The following CSNK2A2IP variants were observed in gnomAD, a reference collection of about 807,000 sequenced individuals.
The protein encoded by CSNK2A2IP is casein kinase II subunit alpha'-interacting protein.
the CSNK2A2IP span, among the ~76,000 whole-genome samples, chr3:88,378,130 A>T: frequency 4.6e-5 from 7 of 152,086 alleles, no homozygotes; most frequent in Non-Finnish European, 8.8e-5. Flanking sequence ...TTGTTTTGTC[A>T]TTCAGATTTA....
At chr3:88,405,292 A>T in the CSNK2A2IP span, among the ~76,000 whole-genome samples, 1 of 152,058 alleles carries the variant, frequency 6.6e-6, no homozygotes. Context: ...CTTTAACAGG[A>T]TCTATGCTTT....
At chr3:88,437,467 T>C in the CSNK2A2IP span, among the ~76,000 whole-genome samples, 1 of 152,222 alleles carries the variant, frequency 6.6e-6, no homozygotes, top group Non-Finnish European at 1.5e-5. Flanking sequence ...AAGTAGAATA[T>C]GGTGCAATAC....
the CSNK2A2IP span, among the ~76,000 whole-genome samples, chr3:88,454,396 A>G: frequency 6.6e-6 from 1 of 151,852 alleles, no homozygotes; most frequent in Admixed American, 6.6e-5. Flanking sequence ...ACAGTGTCTT[A>G]TGAAGAGAAG....
chr3:88,442,193 C>T, the CSNK2A2IP span, among the ~76,000 whole-genome samples: 2 of 151,950 alleles, frequency 1.3e-5, no homozygotes, highest in African/African-American at 4.8e-5. Flanking sequence ...TCTATTTGGC[C>T]TATGAATTTT....
At chr3:88,428,551 G>A in the CSNK2A2IP span, among the ~76,000 whole-genome samples, 1 of 152,124 alleles carries the variant, frequency 6.6e-6, no homozygotes, top group Non-Finnish European at 1.5e-5. Context: ...CTCAGTTGGA[G>A]GTAATTTAAT....
the CSNK2A2IP span, among the ~76,000 whole-genome samples, chr3:88,400,413 G>A: frequency 3.8e-4 from 58 of 152,156 alleles, no homozygotes; most frequent in Admixed American, 2.2e-3. Flanking sequence ...ATCATGGCCC[G>A]CAAAGGTTTC....
chr3:88,457,741 A>AAATC, the CSNK2A2IP span, among the ~76,000 whole-genome samples: 1 of 149,602 alleles, frequency 6.7e-6, no homozygotes, highest in Non-Finnish European at 1.5e-5. Flanking sequence ...AAAATAAAAT[A>AAATC]AAATAAAATA....
chr3:88,341,131 G>A, the CSNK2A2IP span, among the ~76,000 whole-genome samples: 2 of 151,552 alleles, frequency 1.3e-5, no homozygotes, highest in Non-Finnish European at 2.9e-5. Flanking sequence ...CAAAATAATT[G>A]AATTTATAAG....
the CSNK2A2IP span, among the ~76,000 whole-genome samples, chr3:88,392,674 G>A: frequency 6.6e-6 from 1 of 152,130 alleles, no homozygotes; most frequent in East Asian, 1.9e-4. Context: ...GATAAAAGCA[G>A]TTTCCCTGTA....
chr3:88,446,186 C>A, the CSNK2A2IP span, among the ~76,000 whole-genome samples: 2 of 151,550 alleles, frequency 1.3e-5, no homozygotes, highest in Non-Finnish European at 2.9e-5. Context: ...TGGCTCACTG[C>A]AACCTCTGCC....
At chr3:88,446,540 G>A in the CSNK2A2IP span, among the ~76,000 whole-genome samples, 1 of 152,140 alleles carries the variant, frequency 6.6e-6, no homozygotes, top group South Asian at 2.1e-4. Context: ...AGGGTCCAGA[G>A]TTAGTTACTG....
At chr3:88,454,005 G>T in the CSNK2A2IP span, among the ~76,000 whole-genome samples, 1 of 152,094 alleles carries the variant, frequency 6.6e-6, no homozygotes, top group Admixed American at 6.6e-5. Context: ...TTAAAGAAAG[G>T]ATAAAGTGTT....
chr3:88,431,915 T>A, the CSNK2A2IP span, among the ~76,000 whole-genome samples: 1 of 152,136 alleles, frequency 6.6e-6, no homozygotes, highest in Non-Finnish European at 1.5e-5. Context: ...TAAATTTATG[T>A]GAAATGGTTT....
At chr3:88,386,633 T>A in the CSNK2A2IP span, among the ~76,000 whole-genome samples, 1 of 152,132 alleles carries the variant, frequency 6.6e-6, no homozygotes, top group Admixed American at 6.6e-5. Context: ...AGTACCAGAA[T>A]TGAGGCAAAT....
the CSNK2A2IP span, among the ~76,000 whole-genome samples, chr3:88,432,839 G>C: frequency 6.6e-6 from 1 of 150,658 alleles, no homozygotes; most frequent in African/African-American, 2.4e-5. Context: ...AATGAGCTTG[G>C]ATTAACTGAT....
At chr3:88,441,039 A>G in the CSNK2A2IP span, among the ~76,000 whole-genome samples, 1 of 152,200 alleles carries the variant, frequency 6.6e-6, no homozygotes, top group Non-Finnish European at 1.5e-5. Context: ...GGTGAATTAA[A>G]AGGATAGTAG....
chr3:88,412,917 G>T, the CSNK2A2IP span, among the ~76,000 whole-genome samples: 1 of 152,110 alleles, frequency 6.6e-6, no homozygotes, highest in South Asian at 2.1e-4. Context: ...TGCCTAAAAT[G>T]TTATGCAGCA....
chr3:88,399,835 A>G, the CSNK2A2IP span: 1 of 152,378 alleles, frequency 6.6e-6, no homozygotes, highest in Non-Finnish European at 1.5e-5. Flanking sequence ...AGGCGAGTTC[A>G]GAAAGAAAAA....
the CSNK2A2IP span, among the ~76,000 whole-genome samples, chr3:88,456,931 G>C: frequency 6.6e-6 from 1 of 151,864 alleles, no homozygotes; most frequent in Non-Finnish European, 1.5e-5. Flanking sequence ...AAGTTTTCTT[G>C]AATAGATATT....
Sources: gnomAD v4.1 joint callset for allele counts (sites outside exome capture counted in the v4.1 genomes callset) on GRCh38, gnomAD v4.1.1 for gene constraint, MANE v1.5 for transcripts, NCBI Gene and HGNC (gene_info 2026-07-23, HGNC 2026-07-21) for gene names.